The following FAM185A variants were observed in gnomAD, a reference collection of about 807,000 sequenced individuals.
FAM185A encodes protein FAM185A.
A neutral mutation model predicts 45.7 loss-of-function variants in FAM185A; 21 were observed. The ratio of observed to expected loss-of-function variants is 0.46; its 90% CI spans 0.33 to 0.66. The LOEUF (loss-of-function observed/expected upper bound fraction) is 0.66. Ranked by LOEUF, FAM185A falls within the 30% of genes least tolerant of loss-of-function variation. FAM185A has a pLI of 0.03. For synonymous variants in FAM185A, 117 were observed against 194.0 expected (o/e 0.60, Z 3.30); for missense variants, 305 against 485.4 (o/e 0.63, Z 3.49).
chr7:102,754,604 A>G (rs113400963), intron 2 of FAM185A, among the ~76,000 whole-genome samples: 12,673 of 151,454 alleles, frequency 0.084, 189 homozygotes, highest in African/African-American at 0.11. Flanking sequence ...CAAGGAAGAA[A>G]CTAGAAGGCA....
At chr7:102,825,154 A>G in the FAM185A span, among the ~76,000 whole-genome samples, 1 of 152,208 alleles carries the variant, frequency 6.6e-6, no homozygotes, top group Admixed American at 6.5e-5. Flanking sequence ...CCCTTAGGAT[A>G]GATTTCAGAA....
intron 7 of FAM185A, among the ~76,000 whole-genome samples, chr7:102,807,253 T>C (rs1797173759): frequency 6.6e-6 from 1 of 152,002 alleles, no homozygotes; most frequent in South Asian, 2.1e-4. Context: ...AAAGAAATTT[T>C]TGGGAGTGAT....
the FAM185A span, among the ~76,000 whole-genome samples, chr7:102,829,218 G>A: frequency 6.6e-6 from 1 of 152,168 alleles, no homozygotes; most frequent in African/African-American, 2.4e-5. Context: ...TGGGAAACAG[G>A]CCCTCCAGGA....
rs191346556 is a variant in FAM185A at position 102,763,611 on chromosome 7, A to G, written c.793+2200A>G. Among the ~76,000 whole-genome samples, 33 of 152,286 alleles carry G rather than the reference A, an allele frequency of 2.2e-4. 1 individual carries two copies. The East Asian group carries it at 5.2e-3, about 24-fold the overall frequency. ...GAGGAGCTGGACGTTTATATCCCCA[A>G]TCATTAGATGCAAGCTGCCCCAGGA... On this transcript the variant is annotated intron_variant, in intron 4 of 7. Transcript: ENST00000413034.
At chr7:102,799,915 T>C (rs1391278210) in intron 7 of FAM185A, among the ~76,000 whole-genome samples, 18 of 151,778 alleles carry the variant, frequency 1.2e-4, no homozygotes, top group Non-Finnish European at 1.5e-5. Context: ...GCTCGCGTCA[T>C]GAATTTTAGC....
chr7:102,837,109 A>T, the FAM185A span, among the ~76,000 whole-genome samples: 1 of 152,254 alleles, frequency 6.6e-6, no homozygotes, highest in Non-Finnish European at 1.5e-5. Flanking sequence ...GGCATATCCC[A>T]AGATATCTAC....
At chr7:102,840,480 G>C in the FAM185A span, among the ~76,000 whole-genome samples, 1 of 152,180 alleles carries the variant, frequency 6.6e-6, no homozygotes, top group South Asian at 2.1e-4. Context: ...AAAATAATCA[G>C]CCAGAAAGAG....
chr7:102,815,779 T>C, the FAM185A span, among the ~76,000 whole-genome samples: 7 of 152,138 alleles, frequency 4.6e-5, no homozygotes, highest in Admixed American at 1.3e-4. Context: ...GTACTACTAA[T>C]GATAAGTCTG....
chr7:102,791,285 GA>G (rs2129442414), intron 7 of FAM185A, among the ~76,000 whole-genome samples: 1 of 151,450 alleles, frequency 6.6e-6, no homozygotes, highest in East Asian at 1.9e-4. Context: ...AATGGTGGAT[GA>G]AGGAGAAAAA....
At chr7:102,757,711 C>G (rs541899299) in intron 2 of FAM185A, 143 bp from the exon 3 acceptor site, 64 of 1,146,166 alleles carry the variant, frequency 5.6e-5, no homozygotes, top group Non-Finnish European at 7.2e-5. Flanking sequence ...TGTCATTATT[C>G]GAAGCAGTGA....
chr7:102,844,189 T>A, the FAM185A span, among the ~76,000 whole-genome samples: 3 of 152,272 alleles, frequency 2.0e-5, no homozygotes, highest in Admixed American at 6.5e-5. Flanking sequence ...TTAGAGATAC[T>A]TTTTTATAAT....
chr7:102,828,461 A>G, the FAM185A span, among the ~76,000 whole-genome samples: 1 of 152,216 alleles, frequency 6.6e-6, no homozygotes, highest in Non-Finnish European at 1.5e-5. Flanking sequence ...AGCTGCACTA[A>G]GAAAATAAAG....
At chr7:102,830,995 A>T in the FAM185A span, among the ~76,000 whole-genome samples, 1 of 152,182 alleles carries the variant, frequency 6.6e-6, no homozygotes, top group Non-Finnish European at 1.5e-5. Context: ...GTCAGAGTAC[A>T]CGCATCTCTA....
At chr7:102,755,131 C>T (rs1470000211) in intron 2 of FAM185A, 2 of 383,234 alleles carry the variant, frequency 5.2e-6, no homozygotes, top group East Asian at 8.9e-5. Context: ...AAGTGTGCGC[C>T]TCCCGTCGCC....
At chr7:102,803,817 A>G (rs895968509) in intron 7 of FAM185A, among the ~76,000 whole-genome samples, 1 of 152,222 alleles carries the variant, frequency 6.6e-6, no homozygotes, top group Non-Finnish European at 1.5e-5. Context: ...TAGAACTGAT[A>G]AAAGGATTCA....
downstream of FAM185A, among the ~76,000 whole-genome samples, chr7:102,810,527 G>A (rs1373196479): frequency 4.6e-5 from 7 of 151,516 alleles, no homozygotes; most frequent in South Asian, 2.1e-4. Flanking sequence ...CCACTGCACC[G>A]GGCCAGGAGA....
chr7:102,792,636 T>C (rs1287780078), intron 7 of FAM185A, among the ~76,000 whole-genome samples: 1 of 120,400 alleles, frequency 8.3e-6, no homozygotes. Flanking sequence ...ATATTAGAGG[T>C]AAAGTGCGTT....
the FAM185A span, among the ~76,000 whole-genome samples, chr7:102,825,579 G>C: frequency 6.6e-6 from 1 of 152,142 alleles, no homozygotes; most frequent in Non-Finnish European, 1.5e-5. Flanking sequence ...GACTAAGACA[G>C]GGTATGACCA....
At chr7:102,826,724 C>CATATATATAT in the FAM185A span, among the ~76,000 whole-genome samples, 144 of 62,610 alleles carry the variant, frequency 2.3e-3, 4 homozygotes, top group Non-Finnish European at 3.8e-3. Context: ...GACCCTGTCT[C>CATATATATAT]ATATATATAT....
Sources: allele counts gnomAD v4.1 joint callset (sites outside exome capture counted in the v4.1 genomes callset), GRCh38; gene constraint gnomAD v4.1.1; transcripts MANE v1.5; gene names NCBI Gene and HGNC (gene_info 2026-07-23, HGNC 2026-07-21).